The following VPS53 variants were observed in gnomAD, a reference collection of about 807,000 sequenced individuals.
VPS53 encodes the protein vacuolar protein sorting-associated protein 53 homolog.
Under a neutral mutation model 107.0 loss-of-function variants are expected in VPS53, and 70 were observed. The ratio of observed to expected loss-of-function variants is 0.65; its 90% confidence interval spans 0.54 to 0.80. The LOEUF is 0.80. Among genes scored for constraint, VPS53 ranks in the 30% least tolerant of loss-of-function variants. The pLI is 0.00. For missense variants in VPS53, 917 were observed against 1,049.4 expected (o/e 0.87, Z 1.74); for synonymous variants, 409 against 393.3 (o/e 1.04, Z -0.47).
In VPS53 at chr17:655,898, G is replaced by A; in HGVS notation, c.428C>T (p.Thr143Ile). 1 of 1,614,094 alleles carries A rather than the reference G, an allele frequency of 6.2e-7. No individual in the cohort carries two copies. Among genetic ancestry groups the A allele is most frequent in the Middle Eastern group, 1.6e-4 (1 of 6,062 alleles). The change falls in exon 6 of 22, where the codon ACC (threonine) becomes ATC (isoleucine). Residue 143 changes from threonine to isoleucine, a missense_variant. Coordinates refer to ENST00000437048, the MANE Select transcript of VPS53 (RefSeq NM_001128159.3). ...KQLDHAKRHL[T>I]TSITTLNHLH... ...GTGGTTCAGTGTGGTGATTGAGGTG[G>A]TCAGGTGGCGTTTGGCGTGATCTAA...
chr17:583,533 T>C (rs72477038), intron 13 of VPS53, among the ~76,000 whole-genome samples: 10 of 127,050 alleles, frequency 7.9e-5, no homozygotes, highest in East Asian at 2.9e-4. Flanking sequence ...CAGAGAACTT[T>C]CCTCAGAACC....
chr17:559,824 C>A (rs1256961076), intron 15 of VPS53, among the ~76,000 whole-genome samples: 1 of 152,232 alleles, frequency 6.6e-6, no homozygotes, highest in African/African-American at 2.4e-5. Context: ...ATGTTTAAGG[C>A]TGAATCAAAG....
intron 4 of VPS53, among the ~76,000 whole-genome samples, chr17:683,936 T>C (rs1972492291): frequency 6.6e-6 from 1 of 152,228 alleles, no homozygotes. Flanking sequence ...GCAACAGTGA[T>C]GGTGTTCATA....
intron 15 of VPS53, among the ~76,000 whole-genome samples, chr17:557,855 C>CTTTTTTTTTTTTTTTTTTTTTT (rs773408955): frequency 8.0e-6 from 1 of 125,628 alleles, no homozygotes; most frequent in Non-Finnish European, 1.7e-5. Flanking sequence ...TAAGGATTAT[C>CTTTTTTTTTTTTTTTTTTTTTT]TTTTTTTTTT....
intron 13 of VPS53, among the ~76,000 whole-genome samples, chr17:566,183 G>T (rs546952875): frequency 3.1e-4 from 43 of 136,880 alleles, no homozygotes; most frequent in Non-Finnish European, 4.3e-4. Flanking sequence ...CAGCCTGGGC[G>T]ACAGAGCGAG....
intron 5 of VPS53, among the ~76,000 whole-genome samples, chr17:658,844 C>T (rs1382854993): frequency 6.6e-6 from 1 of 152,126 alleles, no homozygotes; most frequent in Non-Finnish European, 1.5e-5. Flanking sequence ...GCCGTGAGTT[C>T]GTGTGCCCTG....
At position 510,935 on chromosome 17, in the gene VPS53, T is replaced by C. The variant is rs1243278143; in HGVS notation, c.*8193A>G. ...ATGAGGCTGTGGGGGACTCTGTGTGTAAACTGATGTTTCTTTGTATAGCAT... is the reference window on the plus strand; with the variant it reads ...ATGAGGCTGTGGGGGACTCTGTGTGCAAACTGATGTTTCTTTGTATAGCAT... On this transcript the variant is annotated 3_prime_UTR_variant, in exon 22 of 22. Transcript: ENST00000437048. 1 of 152,432 alleles carries C rather than the reference T, an allele frequency of 6.6e-6. No homozygotes were observed. The highest frequency in any genetic ancestry group is 1.5e-5 in the Non-Finnish European group (1 of 68,114). The allele number at this position is 152,432 out of a possible 1,614,324, so 9.4% of individuals were successfully genotyped here. A position where few individuals can be genotyped will look rare whatever the true frequency, so the allele number is the denominator to read the frequency against.
intron 11 of VPS53, among the ~76,000 whole-genome samples, chr17:610,209 C>T (rs78826281): frequency 8.0e-5 from 12 of 150,192 alleles, no homozygotes; most frequent in East Asian, 5.9e-4. Context: ...TCATATAGCC[C>T]TATTTATAAA....
intron 4 of VPS53, among the ~76,000 whole-genome samples, chr17:662,493 T>G (rs369003595): frequency 6.6e-6 from 1 of 151,722 alleles, no homozygotes; most frequent in Non-Finnish European, 1.5e-5. Flanking sequence ...ATCAAGACCA[T>G]CCTGGCTAAC....
rs555190039 is a variant in VPS53, at chr17:585,238, G to A, written c.1313+1032C>T. Among the ~76,000 whole-genome samples the A allele has an allele frequency of 5.6e-4, 86 of 152,310 alleles. 3 individuals are homozygous for A. Among genetic ancestry groups the A allele is most frequent in the Admixed American group, 4.3e-3 (66 of 15,294 alleles). Reference sequence around the variant, plus strand: ...GTGCCTCTTGACACAATGCACTGGGGATACAATGCCACTTTTATGGTGTTC... The same window carrying A: ...GTGCCTCTTGACACAATGCACTGGGAATACAATGCCACTTTTATGGTGTTC... On this transcript the variant is annotated intron_variant, in intron 13 of 21. Coordinates refer to ENST00000437048, the MANE Select transcript of VPS53 (RefSeq NM_001128159.3).
At chr17:679,266 A>C (rs1177310601) in intron 4 of VPS53, among the ~76,000 whole-genome samples, 1 of 152,108 alleles carries the variant, frequency 6.6e-6, no homozygotes, top group Non-Finnish European at 1.5e-5. Context: ...CTGTCATCCC[A>C]GCACATTGGG....
At chr17:540,483 G>A (rs1036517769) in intron 17 of VPS53, 1 of 152,284 alleles carries the variant, frequency 6.6e-6, no homozygotes, top group African/African-American at 2.4e-5. Flanking sequence ...GGGATTACAG[G>A]TGTGAGCTAC....
chr17:660,025 G>A (rs1651070872), intron 5 of VPS53, among the ~76,000 whole-genome samples: 1 of 152,138 alleles, frequency 6.6e-6, no homozygotes, highest in Non-Finnish European at 1.5e-5. Context: ...TGGTTGATTC[G>A]CCTCAACTGA....
chr17:616,944 T>G (rs148197779), intron 11 of VPS53, among the ~76,000 whole-genome samples: 326 of 152,330 alleles, frequency 2.1e-3, no homozygotes, highest in African/African-American at 7.4e-3. Context: ...TTTGTTCCTC[T>G]GTGGTCCTAT....
chr17:696,392 T>C (rs1181409831), intron 4 of VPS53, among the ~76,000 whole-genome samples: 1 of 152,150 alleles, frequency 6.6e-6, no homozygotes, highest in Non-Finnish European at 1.5e-5. Flanking sequence ...CCACTCCAAA[T>C]CTGGGCAGCA....
rs1381993921 is a variant in VPS53 at position 527,663 on chromosome 17, G to A, written c.2085+5179C>T. On this transcript the variant is annotated intron_variant, in intron 19 of 21. Coordinates refer to ENST00000437048, the MANE Select transcript of VPS53 (RefSeq NM_001128159.3). ...GGGTCTTACTCTGTCACCTGGGCTG[G>A]AATGCAGTGGTGCAATCATAGCTCA... 2.0e-5 allele frequency among the ~76,000 whole-genome samples: 3 copies of A among 152,136 alleles called. No homozygotes were observed. In the East Asian group the frequency reaches 5.8e-4, roughly 29 times the overall value.
At chr17:538,638 G>A (rs995550049) in intron 17 of VPS53, 1 of 152,202 alleles carries the variant, frequency 6.6e-6, no homozygotes, top group Non-Finnish European at 1.5e-5. Flanking sequence ...CTTTAGGGAT[G>A]TGTACACACA....
chr17:627,381 C>T (rs865898380), intron 9 of VPS53, 65 bp from the exon 10 acceptor site: 4 of 1,534,710 alleles, frequency 2.6e-6, no homozygotes, highest in Non-Finnish European at 3.5e-6. Flanking sequence ...TTCAAGGAAA[C>T]AAGCAAAAAC....
chr17:533,176 A>G (rs934025788), intron 18 of VPS53, among the ~76,000 whole-genome samples: 5 of 152,208 alleles, frequency 3.3e-5, no homozygotes, highest in Admixed American at 2.0e-4. Context: ...GTCAGAGCAC[A>G]GCATTCCTTT....
Sources: allele counts gnomAD v4.1 joint callset (sites outside exome capture counted in the v4.1 genomes callset), GRCh38; gene constraint gnomAD v4.1.1; transcripts MANE v1.5; gene names NCBI Gene and HGNC (gene_info 2026-07-23, HGNC 2026-07-21).